Variants in ZNF276 observed in about 807,000 individuals in gnomAD.
ZNF276 encodes centromere protein Z.
Under a neutral mutation model 63.9 loss-of-function variants are expected in ZNF276, and 59 were observed. The ratio of observed to expected loss-of-function variants is 0.92; its 90% CI spans 0.75 to 1.15. ZNF276 has a LOEUF of 1.15. ZNF276 is among the 50% of genes most tolerant of loss of function. ZNF276 has a pLI of 0.00. For synonymous variants in ZNF276, 496 were observed against 348.4 expected (o/e 1.42, Z -4.72); for missense variants, 1,084 against 843.8 (o/e 1.28, Z -3.53).
At position 89,738,564 on chromosome 16, in the gene ZNF276, A is replaced by T; in HGVS notation, c.*318A>T. 1.2e-6 allele frequency: 2 copies of T among 1,612,610 alleles called. No homozygotes were observed. Among genetic ancestry groups the T allele is most frequent in the Non-Finnish European group, 1.7e-6 (2 of 1,179,932 alleles). ...ATGTTATGCTTGTAATAAATTATTT[A>T]CACGGGAGCTGGGCTGGTGTGCAGT... On this transcript the variant is annotated 3_prime_UTR_variant, in exon 11 of 11. Transcript: ENST00000443381.
intron 2 of ZNF276, 42 bp downstream of exon 2, chr16:89,722,876 C>T: frequency 1.3e-6 from 2 of 1,580,780 alleles, no homozygotes; most frequent in Non-Finnish European, 1.7e-6. Context: ...GCTGTCAGTA[C>T]TGCAGTGTGA....
Position 89,739,535 on chromosome 16 carries a change from A to G in ZNF276, c.*1289A>G, listed in dbSNP as rs1439125894. On this transcript the variant is annotated 3_prime_UTR_variant, in exon 11 of 11. Coordinates refer to ENST00000443381, the MANE Select transcript of ZNF276 (RefSeq NM_001113525.2). ...CTGATCCGGGGCCACACGGAGGAGGAGCCGCCCCAGCCTGAGGTCTGCAAC... is the reference window on the plus strand; with the variant it reads ...CTGATCCGGGGCCACACGGAGGAGGGGCCGCCCCAGCCTGAGGTCTGCAAC... 2 of 1,551,266 alleles carry G rather than the reference A, an allele frequency of 1.3e-6. No homozygotes were observed. The highest frequency in any genetic ancestry group is 1.2e-5 in the South Asian group (1 of 84,068).
At chr16:89,734,524 A>G (rs568231960) in intron 9 of ZNF276, among the ~76,000 whole-genome samples, 1 of 152,102 alleles carries the variant, frequency 6.6e-6, no homozygotes, top group Admixed American at 6.6e-5. Context: ...ACGGGGTTTC[A>G]CCATGTTGGC....
Position 89,738,757 on chromosome 16 carries a change from G to C in ZNF276, c.*511G>C, listed in dbSNP as rs1415370917. The C allele has an allele frequency of 6.2e-7, 1 of 1,612,630 alleles. No individual in the cohort carries two copies. Among genetic ancestry groups the C allele is most frequent in the South Asian group, 1.1e-5 (1 of 90,936 alleles). On this transcript the variant is annotated 3_prime_UTR_variant, in exon 11 of 11. Transcript: ENST00000443381. The stretch of plus-strand genomic sequence containing the variant: ...AGCCCATGCCGCCCACTAGGCCTCA[G>C]ACCACAGGGGAGGGGCTCTGGCAGA...
At chr16:89,735,593 C>T (rs1028497030) in intron 9 of ZNF276, among the ~76,000 whole-genome samples, 2 of 152,060 alleles carry the variant, frequency 1.3e-5, no homozygotes, top group East Asian at 1.9e-4. Context: ...GAAATTGGGC[C>T]GGGTGCAGTG....
At position 89,733,425 on chromosome 16, in the gene ZNF276, A is replaced by G; in HGVS notation, c.1280+13A>G. The G allele has an allele frequency of 1.2e-6, 2 of 1,614,042 alleles. No homozygotes were observed. The highest frequency in any genetic ancestry group is 1.7e-6 in the Non-Finnish European group (2 of 1,179,918). ...TTCGTTGTGAGAGGTGATGCCTGCAACGCGAGGCTCGCCCTGCCTGTCGGG... is the reference window on the plus strand; with the variant it reads ...TTCGTTGTGAGAGGTGATGCCTGCAGCGCGAGGCTCGCCCTGCCTGTCGGG... On this transcript the variant is annotated intron_variant, in intron 7 of 10. Transcript: ENST00000443381.
At position 89,740,135 on chromosome 16, in the gene ZNF276, G is replaced by T. The variant is rs377071386; in HGVS notation, c.*1889G>T. ...CAGGAGACCAACCCTGAGAATGGCC[G>T]ACCTGGTGCTCCCATGGGTAGGAGG... On this transcript the variant is annotated 3_prime_UTR_variant, in exon 11 of 11. Transcript: ENST00000443381. 36 of 1,544,862 alleles carry T rather than the reference G, an allele frequency of 2.3e-5. 1 individual carries two copies. The South Asian group carries it at 2.9e-4, about 12-fold the overall frequency.
chr16:89,720,804 C>T (rs1283981800), upstream of ZNF276: 1 of 1,462,014 alleles, frequency 6.8e-7, no homozygotes. Flanking sequence ...GCCCCGTTGG[C>T]AAGCTTCATG....
intron 9 of ZNF276, 93 bp downstream of exon 9, chr16:89,734,131 G>A: frequency 3.2e-6 from 4 of 1,238,204 alleles, no homozygotes; most frequent in Non-Finnish European, 4.6e-6. Flanking sequence ...CGCCCCAAGA[G>A]TTGGGGGTGC....
intron 2 of ZNF276, 102 bp from the exon 3 acceptor site, chr16:89,723,035 A>T: frequency 1.2e-6 from 2 of 1,607,156 alleles, no homozygotes; most frequent in Admixed American, 1.7e-5. Flanking sequence ...AAAGTTGCCT[A>T]TGGGGACCGC....
chr16:89,727,607 C>CGA (rs2061507852), intron 5 of ZNF276, among the ~76,000 whole-genome samples: 1 of 152,134 alleles, frequency 6.6e-6, no homozygotes, highest in Non-Finnish European at 1.5e-5. Flanking sequence ...GGGGAGCTTC[C>CGA]GAGGCTTCTT....
chr16:89,723,212 T>C (rs372446384), intron 3 of ZNF276, 29 bp downstream of exon 3: 7 of 1,612,980 alleles, frequency 4.3e-6, no homozygotes, highest in South Asian at 1.1e-5. Context: ...GAGGGTGGGC[T>C]GGGTGCCGAC....
chr16:89,734,798 G>A (rs778724354), intron 9 of ZNF276, among the ~76,000 whole-genome samples: 11 of 152,152 alleles, frequency 7.2e-5, no homozygotes, highest in Non-Finnish European at 1.2e-4. Flanking sequence ...CTCTGTGCCC[G>A]TCTTATTTTT....
Position 89,738,428 on chromosome 16 carries a change from C to T in ZNF276, c.*182C>T. 7.3e-7 allele frequency: 1 copy of T among 1,376,020 alleles called. No individual in the cohort carries two copies. The highest frequency in any genetic ancestry group is 1.3e-5 in the South Asian group (1 of 76,036). 85.2% of individuals were successfully genotyped at this position (1,376,020 alleles called of 1,614,324 possible). A position where few individuals can be genotyped will look rare whatever the true frequency, so the allele number is the denominator to read the frequency against. On this transcript the variant is annotated 3_prime_UTR_variant, in exon 11 of 11. Transcript: ENST00000443381. ...GCTCTGGGACCAGTGGTTTATTTTC[C>T]CGCAAACGCTGAGTGACTCGGGGCC...
rs1210223195 is a variant in ZNF276, at chr16:89,721,845, G to A, written c.205G>A (p.Gly69Arg). The A allele has an allele frequency of 5.0e-6, 6 of 1,210,270 alleles. No individual in the cohort carries two copies. The highest frequency in any genetic ancestry group is 3.3e-4 in the Middle Eastern group (1 of 3,070). 75.0% of individuals were successfully genotyped at this position (1,210,270 alleles called of 1,614,324 possible). Reference sequence around the variant, plus strand: ...GGGCGAGGACGGCGCGGACGAGGCAGGTGGGTCCGCGGCCCGGGCGTGGCG... The same window carrying A: ...GGGCGAGGACGGCGCGGACGAGGCAAGTGGGTCCGCGGCCCGGGCGTGGCG... ...DAGEDGADEA[G>R]AGRALAMGHC... Residue 69 changes from glycine to arginine, a missense_variant and splice_region_variant, in exon 1 of 11, where the codon GGA becomes AGA. By Grantham distance (125) the Gly-to-Arg change is moderately radical. Coordinates refer to ENST00000443381, the MANE Select transcript of ZNF276 (RefSeq NM_001113525.2).
At chr16:89,724,841 T>C (rs1264873782) in intron 4 of ZNF276, among the ~76,000 whole-genome samples, 1 of 147,560 alleles carries the variant, frequency 6.8e-6, no homozygotes, top group Non-Finnish European at 1.5e-5. Context: ...TACCTATCTA[T>C]CTTCCTACTT....
rs1567595139 is a variant in ZNF276 at position 89,740,077 on chromosome 16, GC to G, written c.*1833del. Reference sequence around the variant, plus strand: ...GAGGATTGCTGCACAAACGTGGAAAGCCTTTGGCAGGTCTGTGGTGCTCTGT... The same window carrying G: ...GAGGATTGCTGCACAAACGTGGAAAGCTTTGGCAGGTCTGTGGTGCTCTGT... On this transcript the variant is annotated 3_prime_UTR_variant, in exon 11 of 11. Coordinates refer to ENST00000443381, the MANE Select transcript of ZNF276 (RefSeq NM_001113525.2). The G allele has an allele frequency of 6.2e-7, 1 of 1,614,200 alleles. No homozygotes were observed. The highest frequency in any genetic ancestry group is 1.1e-5 in the South Asian group (1 of 91,088).
Position 89,739,613 on chromosome 16 carries a change from G to C in ZNF276, c.*1367G>C, listed in dbSNP as rs55811603. 38 of 1,535,310 alleles carry C rather than the reference G, an allele frequency of 2.5e-5. No individual in the cohort carries two copies. The East Asian group carries it at 7.3e-4, about 30-fold the overall frequency. On this transcript the variant is annotated 3_prime_UTR_variant, in exon 11 of 11. Transcript: ENST00000443381. ...ACATCTCTGCCTATTATCAGTGCTGGGGACACCCCTGGGGGTCGGGACGTG... is the reference window on the plus strand; with the variant it reads ...ACATCTCTGCCTATTATCAGTGCTGCGGACACCCCTGGGGGTCGGGACGTG...
intron 9 of ZNF276, among the ~76,000 whole-genome samples, chr16:89,735,592 C>T (rs975522302): frequency 6.6e-6 from 1 of 152,120 alleles, no homozygotes; most frequent in Non-Finnish European, 1.5e-5. Flanking sequence ...TGAAATTGGG[C>T]CGGGTGCAGT....
Sources: gnomAD v4.1 joint callset for allele counts (sites outside exome capture counted in the v4.1 genomes callset) on GRCh38, gnomAD v4.1.1 for gene constraint, MANE v1.5 for transcripts, NCBI Gene and HGNC (gene_info 2026-07-23, HGNC 2026-07-21) for gene names.